The following PSMG1 variants were observed in gnomAD, a reference collection of about 807,000 sequenced individuals.
The protein encoded by PSMG1 is Down syndrome critical region gene 2.
A neutral mutation model predicts 37.2 loss-of-function variants in PSMG1; 23 were observed. The ratio of observed to expected loss-of-function variants is 0.62; its 90% CI spans 0.44 to 0.88. The LOEUF (loss-of-function observed/expected upper bound fraction) is 0.88, where lower values mean the gene tolerates loss of function less well. PSMG1 is among the 40% of genes least tolerant of loss of function. The pLI is 0.00. For synonymous variants in PSMG1, 127 were observed against 128.0 expected, an observed-to-expected ratio of 0.99 and a Z score of 0.05; for missense variants, 340 against 344.2, an observed-to-expected ratio of 0.99 and a Z score of 0.10.
Position 39,183,379 on chromosome 21 carries a change from C to T in PSMG1, c.7G>A (p.Ala3Thr). Residue 3 changes from alanine (A) to threonine (T), a missense_variant, in exon 1 of 7, where the codon GCC (alanine) becomes ACC (threonine). Physicochemically the swap from Ala to Thr is moderately conservative, Grantham distance 58. Coordinates refer to ENST00000331573, the MANE Select transcript of PSMG1 (RefSeq NM_003720.4). Reference sequence around the variant, plus strand: ...TTCACCACCTCTCCGAAGAACGTGGCCGCCATAGCCGCCCCGTGACCGGCT... The same window carrying T: ...TTCACCACCTCTCCGAAGAACGTGGTCGCCATAGCCGCCCCGTGACCGGCT... MA[A>T]TFFGEVVKAP... 3.2e-6 allele frequency: 5 copies of T among 1,575,382 alleles called. No individual in the cohort carries two copies. Among genetic ancestry groups the T allele is most frequent in the Non-Finnish European group, 2.6e-6 (3 of 1,164,998 alleles).
At chr21:39,182,849 C>T (rs899138726) in intron 1 of PSMG1, among the ~76,000 whole-genome samples, 1 of 152,216 alleles carries the variant, frequency 6.6e-6, no homozygotes, top group South Asian at 2.1e-4. Flanking sequence ...CGTGAACAAT[C>T]CACGACAAAC....
intron 6 of PSMG1, 26 bp from the exon 7 acceptor site, chr21:39,175,690 C>T: frequency 7.0e-7 from 1 of 1,434,462 alleles, no homozygotes; most frequent in Non-Finnish European, 9.8e-7. Context: ...AAAGTGAATA[C>T]AGTGAGACCC....
intron 2 of PSMG1, among the ~76,000 whole-genome samples, chr21:39,181,008 C>T (rs544988025): frequency 3.9e-5 from 6 of 152,186 alleles, no homozygotes; most frequent in Admixed American, 6.5e-5. Context: ...ATAATTATTA[C>T]TGTCTTTAGA....
intron 2 of PSMG1, among the ~76,000 whole-genome samples, 159 bp from the exon 3 acceptor site, chr21:39,180,595 C>A (rs767572687): frequency 2.0e-5 from 3 of 152,102 alleles, no homozygotes; most frequent in Non-Finnish European, 4.4e-5. Flanking sequence ...GAAACTGAGG[C>A]CCCCAAGAAG....
chr21:39,182,318 G>A (rs553298428), intron 1 of PSMG1, among the ~76,000 whole-genome samples: 1 of 152,210 alleles, frequency 6.6e-6, no homozygotes, highest in African/African-American at 2.4e-5. Context: ...CAAATTCAGA[G>A]TGTGGGGGCA....
chr21:39,178,498 A>G lies in PSMG1; in HGVS notation c.606T>C (p.Cys202=). The G allele has an allele frequency of 6.2e-7, 1 of 1,614,130 alleles. No homozygotes were observed. Among genetic ancestry groups the G allele is most frequent in the Non-Finnish European group, 8.5e-7 (1 of 1,180,008 alleles). ...TATTCGGTTGTTCTAGCAATGGACA[A>G]CACGCCGAGTCTTTGAAATTCTGTG... ...LKTQNFKDSA[C]CPLLEQPNIV... Residue 202 remains cysteine, a synonymous_variant, in exon 5 of 7, where the codon TGT becomes TGC. Coordinates refer to ENST00000331573, the MANE Select transcript of PSMG1 (RefSeq NM_003720.4).
rs767609844 is a variant in PSMG1, at chr21:39,175,674, G to C, written c.793-10C>G. 14 of 1,543,142 alleles carry C rather than the reference G, an allele frequency of 9.1e-6. No individual in the cohort carries two copies. Among genetic ancestry groups the C allele is most frequent in the Non-Finnish European group, 1.3e-5 (14 of 1,116,130 alleles). ...TGCTTTGGGGAATATTCTGAAAGGA[G>C]AGAAAAAAGTGAATACAGTGAGACC... On this transcript the variant is annotated splice_polypyrimidine_tract_variant and intron_variant, in intron 6 of 6. Transcript: ENST00000331573.
intron 2 of PSMG1, 57 bp from the exon 3 acceptor site, chr21:39,180,493 T>A: frequency 6.8e-7 from 1 of 1,475,060 alleles, no homozygotes; most frequent in East Asian, 2.3e-5. Flanking sequence ...TATTTTCTAT[T>A]CAATAAAAAG....
At position 39,180,685 on chromosome 21, in the gene PSMG1, C is replaced by T. The variant is rs369789187; in HGVS notation, c.242-249G>A. ...AGGTTTGTTGACAGACTTTCTACCACATGCTCACGGGGTAATACTCTTCTG... is the reference window on the plus strand; with the variant it reads ...AGGTTTGTTGACAGACTTTCTACCATATGCTCACGGGGTAATACTCTTCTG... On this transcript the variant is annotated intron_variant, in intron 2 of 6. Transcript: ENST00000331573. Among the ~76,000 whole-genome samples, 8 of 152,190 alleles carry T rather than the reference C, an allele frequency of 5.3e-5. No individual in the cohort carries two copies. In the East Asian group the frequency reaches 1.3e-3, roughly 26 times the overall value.
Position 39,175,538 on chromosome 21 carries a change from C to T in PSMG1, c.*52G>A. On this transcript the variant is annotated 3_prime_UTR_variant, in exon 7 of 7. Transcript: ENST00000331573. The stretch of plus-strand genomic sequence containing the variant: ...GTAATCTACAAAAGAGTGCAGGCTG[C>T]TCCCCTTAAAGGAATGGACAAGTAA... The T allele has an allele frequency of 6.4e-7, 1 of 1,555,174 alleles. No individual in the cohort carries two copies. Among genetic ancestry groups the T allele is most frequent in the Non-Finnish European group, 8.7e-7 (1 of 1,147,190 alleles).
Position 39,180,377 on chromosome 21 carries a change from G to A in PSMG1, c.301C>T (p.Leu101Phe), listed in dbSNP as rs766188436. Residue 101 changes from leucine to phenylalanine, a missense_variant, in exon 3 of 7, where the codon CTC becomes TTC. Leu to Phe is a conservative substitution (Grantham distance 22, BLOSUM62 0). Coordinates refer to ENST00000331573, the MANE Select transcript of PSMG1 (RefSeq NM_003720.4). ...GTTGTTCTACACCATTCATTCCAGA[G>A]TTTAGCACAACCAACTTCCTCCCAG... ...GVWEEVGCAK[L>F]WNEWCRTTDT... 4 of 1,611,346 alleles carry A rather than the reference G, an allele frequency of 2.5e-6. No homozygotes were observed. In the African/African-American group the frequency reaches 5.3e-5, roughly 22 times the overall value.
At chr21:39,181,098 CTTGAGTT>C (rs1285193707) in intron 2 of PSMG1, among the ~76,000 whole-genome samples, 2 of 152,094 alleles carry the variant, frequency 1.3e-5, no homozygotes, top group Admixed American at 1.3e-4. Context: ...GAAACAGCTC[CTTGAGTT>C]TTAAGTTCCT....
Position 39,175,506 on chromosome 21 carries a change from C to T in PSMG1, c.*84G>A. ...GTTTCATCATTCTCAAAATATATCC[C>T]CCAAAAGTAATCTACAAAAGAGTGC... On this transcript the variant is annotated 3_prime_UTR_variant, in exon 7 of 7. Coordinates refer to ENST00000331573, the MANE Select transcript of PSMG1 (RefSeq NM_003720.4). 7.0e-7 allele frequency: 1 copy of T among 1,428,054 alleles called. No homozygotes were observed. Among genetic ancestry groups the T allele is most frequent in the Non-Finnish European group, 9.2e-7 (1 of 1,085,048 alleles). The allele number at this position is 1,428,054 out of a possible 1,614,324, so 88.5% of individuals were successfully genotyped here. A position where few individuals can be genotyped will look rare whatever the true frequency, so the allele number is the denominator to read the frequency against.
At chr21:39,179,778 T>C in intron 4 of PSMG1, 146 bp downstream of exon 4, 1 of 748,974 alleles carries the variant, frequency 1.3e-6, no homozygotes, top group Non-Finnish European at 2.1e-6. Flanking sequence ...CAAGTTCTTT[T>C]ATTCTTTATA....
intron 1 of PSMG1, 103 bp from the exon 2 acceptor site, chr21:39,181,981 GT>G: frequency 1.6e-6 from 1 of 642,240 alleles, no homozygotes; most frequent in Non-Finnish European, 2.4e-6. Flanking sequence ...ATGCACGTTA[GT>G]TTTATAAAGA....
chr21:39,177,407 T>C, intron 6 of PSMG1, 28 bp downstream of exon 6: 1 of 1,538,648 alleles, frequency 6.5e-7, no homozygotes, highest in Non-Finnish European at 8.7e-7. Flanking sequence ...ACAATGCAGC[T>C]ATTAATTTAA....
At chr21:39,183,452 C>G (rs1015206762), upstream of PSMG1, 9 of 1,487,464 alleles carry the variant, frequency 6.1e-6, no homozygotes, top group Non-Finnish European at 7.1e-6. Flanking sequence ...TGCGCGAGAC[C>G]ACGCTCCCTC....
At chr21:39,178,338 T>C in intron 5 of PSMG1, 111 bp downstream of exon 5, 3 of 945,346 alleles carry the variant, frequency 3.2e-6, no homozygotes, top group Non-Finnish European at 1.6e-6. Context: ...AACAGCAATA[T>C]ATTGGTATCA....
At chr21:39,182,278 G>C (rs2030862536) in intron 1 of PSMG1, among the ~76,000 whole-genome samples, 1 of 152,190 alleles carries the variant, frequency 6.6e-6, no homozygotes, top group Non-Finnish European at 1.5e-5. Flanking sequence ...TGATACAAAC[G>C]TTAAGTGACA....
Sources: gnomAD v4.1 joint callset for allele counts (sites outside exome capture counted in the v4.1 genomes callset) on GRCh38, gnomAD v4.1.1 for gene constraint, MANE v1.5 for transcripts, NCBI Gene and HGNC (gene_info 2026-07-23, HGNC 2026-07-21) for gene names.